The following DIPK1A variants were observed in gnomAD, a reference collection of about 807,000 sequenced individuals.
DIPK1A encodes family with sequence similarity 69 member A.
A neutral mutation model predicts 40.8 loss-of-function variants in DIPK1A; 27 were observed. The ratio of observed to expected loss-of-function variants is 0.66; its 90% CI spans 0.49 to 0.91. DIPK1A has a LOEUF of 0.91. DIPK1A is among the 40% of genes least tolerant of loss of function. The pLI is 0.00. For synonymous variants in DIPK1A, 166 were observed against 171.3 expected, an observed-to-expected ratio of 0.97 and a Z score of 0.24; for missense variants, 412 against 505.7, an observed-to-expected ratio of 0.81 and a Z score of 1.78.
intron 2 of DIPK1A, among the ~76,000 whole-genome samples, chr1:92,851,864 T>C (rs1020798937): frequency 6.6e-6 from 1 of 152,182 alleles, no homozygotes; most frequent in African/African-American, 2.4e-5. Context: ...ATTATCCTGG[T>C]TGCAACAAAG....
rs542468923 is a variant in DIPK1A at position 92,885,129 on chromosome 1, C to A, written c.55-8699G>T. Among the ~76,000 whole-genome samples, 13 of 152,020 alleles carry A rather than the reference C, an allele frequency of 8.6e-5. No individual in the cohort carries two copies. In the South Asian group the frequency reaches 2.5e-3, roughly 29 times the overall value. On this transcript the variant is annotated intron_variant, in intron 1 of 4. Transcript: ENST00000370310. ...GGTATATGTCCAAATACTGAAGAGA[C>A]CAGGGAGGGGTGGAAGAGGTTGTTC...
At chr1:92,923,597 A>T (rs1159571328) in intron 1 of DIPK1A, among the ~76,000 whole-genome samples, 2 of 152,214 alleles carry the variant, frequency 1.3e-5, no homozygotes, top group Non-Finnish European at 2.9e-5. Context: ...CTTTGTTCTG[A>T]AAGTTTTATA....
intron 2 of DIPK1A, among the ~76,000 whole-genome samples, chr1:92,862,357 G>T (rs892624224): frequency 6.6e-6 from 1 of 152,146 alleles, no homozygotes; most frequent in African/African-American, 2.4e-5. Flanking sequence ...TCAGTGGAAG[G>T]TGCCATCAAC....
intron 1 of DIPK1A, among the ~76,000 whole-genome samples, chr1:92,889,818 T>A (rs1648776483): frequency 1.3e-5 from 2 of 152,068 alleles, no homozygotes; most frequent in South Asian, 4.1e-4. Flanking sequence ...CAGCTAATTA[T>A]TTTGTATTTT....
intron 1 of DIPK1A, among the ~76,000 whole-genome samples, chr1:92,912,445 G>C (rs1334561779): frequency 6.6e-6 from 1 of 151,864 alleles, no homozygotes; most frequent in Non-Finnish European, 1.5e-5. Flanking sequence ...TTTAAAAGAA[G>C]ATCTCTCATT....
At chr1:92,954,341 T>TA (rs1333817499) in intron 1 of DIPK1A, among the ~76,000 whole-genome samples, 1 of 150,700 alleles carries the variant, frequency 6.6e-6, no homozygotes, top group Non-Finnish European at 1.5e-5. Flanking sequence ...ATGGATATGT[T>TA]AAAAATATTA....
At chr1:92,865,579 C>G (rs1046806662) in intron 2 of DIPK1A, among the ~76,000 whole-genome samples, 1 of 152,160 alleles carries the variant, frequency 6.6e-6, no homozygotes, top group African/African-American at 2.4e-5. Flanking sequence ...CATTTCCCTT[C>G]TTGGAGTTTT....
At position 92,847,213 on chromosome 1, in the gene DIPK1A, T is replaced by G; in HGVS notation, c.444A>C (p.Lys148Asn). 6.3e-7 allele frequency: 1 copy of G among 1,586,936 alleles called. No homozygotes were observed. ...AGAGACTATAGACCATTTCTTTAAA[T>G]TTTTGTACAGTAGTTCCTCTAGTTG... ...DKPTRGTTVQ[K>N]FKEMVYSLFK... Residue 148 changes from lysine (K) to asparagine (N), a missense_variant, in exon 4 of 5, where the codon AAA becomes AAC. Transcript: ENST00000370310.
At position 92,850,860 on chromosome 1, in the gene DIPK1A, C is replaced by T; in HGVS notation, c.285G>A (p.Lys95=). The change falls in exon 3 of 5, where the codon AAG becomes AAA. Residue 95 remains lysine (K), a synonymous_variant. Coordinates refer to ENST00000370310, the MANE Select transcript of DIPK1A (RefSeq NM_001006605.5). ...ATAATGGCCATACCTGATTGTTGGG[C>T]TTGGTGGATAAACATTTTCCAAAGT... The part of the protein sequence containing the change: ...TLYFGKCLST[K]PNNQMYLGIW... The T allele has an allele frequency of 6.4e-7, 1 of 1,559,974 alleles. No individual in the cohort carries two copies. The highest frequency in any genetic ancestry group is 1.2e-5 in the South Asian group (1 of 84,514).
intron 2 of DIPK1A, among the ~76,000 whole-genome samples, chr1:92,861,968 C>T (rs559013591): frequency 2.6e-4 from 39 of 152,182 alleles, no homozygotes; most frequent in African/African-American, 9.1e-4. Flanking sequence ...TTTGTAGAGA[C>T]GAGGTTTCGC....
At chr1:92,907,021 T>C (rs905785293) in intron 1 of DIPK1A, among the ~76,000 whole-genome samples, 1 of 152,204 alleles carries the variant, frequency 6.6e-6, no homozygotes, top group Non-Finnish European at 1.5e-5. Flanking sequence ...TTCAAATGAA[T>C]GACAAAATAA....
chr1:92,925,876 CA>C (rs1650484621), intron 1 of DIPK1A, among the ~76,000 whole-genome samples: 1 of 152,166 alleles, frequency 6.6e-6, no homozygotes, highest in Admixed American at 6.6e-5. Context: ...TCGAAGGCAT[CA>C]AATTTATTGG....
At chr1:92,834,693 G>GT (rs1246530303) in intron 4 of DIPK1A, 2 of 1,562,028 alleles carry the variant, frequency 1.3e-6, no homozygotes, top group Non-Finnish European at 8.8e-7. Context: ...GTCCATCAAT[G>GT]TTTTTTTATT....
intron 1 of DIPK1A, among the ~76,000 whole-genome samples, chr1:92,879,135 G>A (rs11582791): frequency 0.21 from 31,741 of 151,996 alleles, 3,805 homozygotes; most frequent in Non-Finnish European, 0.27. Context: ...AGCCAAGATC[G>A]CACCACTGCA....
In DIPK1A at chr1:92,905,227, C is replaced by G. The variant is rs998631323; in HGVS notation, c.55-28797G>C. On this transcript the variant is annotated intron_variant, in intron 1 of 4. Coordinates refer to ENST00000370310, the MANE Select transcript of DIPK1A (RefSeq NM_001006605.5). The stretch of plus-strand genomic sequence containing the variant: ...TATTTTTAGTTTTCTGAGGAACAAC[C>G]ATGCCATTCTCTATAATGGCTGTAC... Among the ~76,000 whole-genome samples, 10 of 152,096 alleles carry G rather than the reference C, an allele frequency of 6.6e-5. No individual in the cohort carries two copies. In the East Asian group the frequency reaches 1.9e-3, roughly 29 times the overall value.
At chr1:92,943,198 G>A (rs1229891495) in intron 1 of DIPK1A, among the ~76,000 whole-genome samples, 1 of 152,200 alleles carries the variant, frequency 6.6e-6, no homozygotes, top group African/African-American at 2.4e-5. Context: ...AGAAAGAAAA[G>A]TAGGAAATTC....
At chr1:92,946,899 G>C (rs1291600860) in intron 1 of DIPK1A, among the ~76,000 whole-genome samples, 1 of 149,842 alleles carries the variant, frequency 6.7e-6, no homozygotes, top group Non-Finnish European at 1.5e-5. Context: ...AGCTGAGACT[G>C]TGCCACTGTA....
chr1:92,835,031 T>TAG, intron 4 of DIPK1A: 1 of 1,434,772 alleles, frequency 7.0e-7, no homozygotes. Flanking sequence ...AGTGCTTGCT[T>TAG]CCAGTTTTCT....
chr1:92,871,071 T>A (rs1281199100), intron 2 of DIPK1A, among the ~76,000 whole-genome samples: 1 of 152,214 alleles, frequency 6.6e-6, no homozygotes, highest in Non-Finnish European at 1.5e-5. Flanking sequence ...ATCTGTGACA[T>A]CTTTCATCTT....
Sources: gnomAD v4.1 joint callset for allele counts (sites outside exome capture counted in the v4.1 genomes callset) on GRCh38, gnomAD v4.1.1 for gene constraint, MANE v1.5 for transcripts, NCBI Gene and HGNC (gene_info 2026-07-23, HGNC 2026-07-21) for gene names.